Variants in EML4 observed in about 807,000 individuals in gnomAD.
EML4 encodes echinoderm microtubule-associated protein-like 4.
EML4 carries 72 observed loss-of-function variants against 129.0 expected under a neutral mutation model. The ratio of observed to expected loss-of-function variants is 0.56; its 90% CI spans 0.46 to 0.68. The LOEUF (loss-of-function observed/expected upper bound fraction) is 0.68, where lower values mean the gene tolerates loss of function less well. Ranked by LOEUF, EML4 falls within the 30% of genes least tolerant of loss-of-function variation. EML4 has a pLI of 0.00. For missense variants in EML4, 1,363 were observed against 1,190.6 expected, an observed-to-expected ratio of 1.14 and a Z score of -2.13; for synonymous variants, 532 against 405.0, an observed-to-expected ratio of 1.31 and a Z score of -3.77.
intron 1 of EML4, among the ~76,000 whole-genome samples, chr2:42,203,336 C>CT (rs750781932): frequency 2.0e-5 from 3 of 152,074 alleles, no homozygotes; most frequent in Non-Finnish European, 4.4e-5. Flanking sequence ...TGTGGTAGCC[C>CT]TTTTTTGTTT....
At chr2:42,286,060 A>G in intron 9 of EML4, 3 of 614,914 alleles carry the variant, frequency 4.9e-6, no homozygotes. Context: ...GTAACATAGT[A>G]AATACACAAG....
chr2:42,189,813 C>G (rs925281473), intron 1 of EML4, among the ~76,000 whole-genome samples: 3 of 152,066 alleles, frequency 2.0e-5, no homozygotes, highest in African/African-American at 4.8e-5. Flanking sequence ...CTGTTGTTCT[C>G]TTATGTTGAA....
At chr2:42,193,362 G>T (rs1347893872) in intron 1 of EML4, among the ~76,000 whole-genome samples, 2 of 152,200 alleles carry the variant, frequency 1.3e-5, no homozygotes, top group Non-Finnish European at 2.9e-5. Context: ...CGTGCATGCA[G>T]TTTATTCTGC....
chr2:42,223,032 C>G (rs920839172), intron 1 of EML4, among the ~76,000 whole-genome samples: 1 of 152,034 alleles, frequency 6.6e-6, no homozygotes, highest in Non-Finnish European at 1.5e-5. Context: ...ATCTCCTGAC[C>G]TCGTGATCCG....
At chr2:42,253,070 A>G (rs906641855) in intron 2 of EML4, among the ~76,000 whole-genome samples, 4 of 152,194 alleles carry the variant, frequency 2.6e-5, no homozygotes, top group African/African-American at 9.7e-5. Context: ...AGTTTAGGCA[A>G]GCAGAGGTGA....
At position 42,325,558 on chromosome 2, in the gene EML4, A is replaced by C. The variant is rs1361640656; in HGVS notation, c.2242+4A>C. The C allele has an allele frequency of 9.9e-7, 1 of 1,005,234 alleles. No homozygotes were observed. The highest frequency in any genetic ancestry group is 1.5e-5 in the South Asian group (1 of 64,622). 62.3% of individuals were successfully genotyped at this position (1,005,234 alleles called of 1,614,324 possible). A position where few individuals can be genotyped will look rare whatever the true frequency, so the allele number is the denominator to read the frequency against. On this transcript the variant is annotated splice_donor_region_variant and intron_variant, in intron 20 of 22. Coordinates refer to ENST00000318522, the MANE Select transcript of EML4 (RefSeq NM_019063.5). ...GGAGACTATGAAATATTGTACTGTAAGTATGAATGATTTTATATATATATA... is the reference window on the plus strand; with the variant it reads ...GGAGACTATGAAATATTGTACTGTACGTATGAATGATTTTATATATATATA...
At chr2:42,186,570 C>A (rs1186069754) in intron 1 of EML4, among the ~76,000 whole-genome samples, 1 of 152,130 alleles carries the variant, frequency 6.6e-6, no homozygotes, top group Non-Finnish European at 1.5e-5. Flanking sequence ...TTTGTTTTAA[C>A]CCTGGATAAG....
intron 18 of EML4, among the ~76,000 whole-genome samples, 194 bp from the exon 19 acceptor site, chr2:42,317,233 A>T (rs564232620): frequency 2.6e-5 from 4 of 152,228 alleles, no homozygotes; most frequent in African/African-American, 9.6e-5. Flanking sequence ...GCCTGTAAGC[A>T]TCTCCAAGAA....
At chr2:42,234,483 G>A (rs550156720) in intron 1 of EML4, among the ~76,000 whole-genome samples, 3 of 152,166 alleles carry the variant, frequency 2.0e-5, no homozygotes, top group East Asian at 3.9e-4. Context: ...CTCCATTCCT[G>A]TGAGTTCAGA....
chr2:42,286,093 T>A, intron 9 of EML4, 176 bp from the exon 10 acceptor site: 1 of 633,930 alleles, frequency 1.6e-6, no homozygotes, highest in Non-Finnish European at 2.9e-6. Context: ...ATTTTCTTAT[T>A]TTCACAGTAT....
intron 6 of EML4, among the ~76,000 whole-genome samples, chr2:42,265,140 G>A (rs548472755): frequency 6.6e-6 from 1 of 152,226 alleles, no homozygotes; most frequent in Admixed American, 6.5e-5. Context: ...GCCCAGGGTG[G>A]AATGCAGTGG....
chr2:42,316,102 G>A (rs541717782), intron 18 of EML4, 52 bp downstream of exon 18: 2 of 1,230,264 alleles, frequency 1.6e-6, no homozygotes, highest in Non-Finnish European at 2.4e-6. Flanking sequence ...GCACTTCACT[G>A]CAATTGCATA....
chr2:42,200,448 A>G (rs1460872581), intron 1 of EML4, among the ~76,000 whole-genome samples: 1 of 152,246 alleles, frequency 6.6e-6, no homozygotes, highest in Non-Finnish European at 1.5e-5. Flanking sequence ...TGAATTTGGC[A>G]TAAATGCTTT....
At chr2:42,293,981 T>C (rs1667805899) in intron 11 of EML4, among the ~76,000 whole-genome samples, 1 of 152,246 alleles carries the variant, frequency 6.6e-6, no homozygotes, top group African/African-American at 2.4e-5. Flanking sequence ...TAGACATTAA[T>C]GATCACCCTG....
At chr2:42,252,835 A>G (rs776429514) in intron 2 of EML4, among the ~76,000 whole-genome samples, 1 of 152,040 alleles carries the variant, frequency 6.6e-6, no homozygotes, top group South Asian at 2.1e-4. Context: ...CTGTGTCCCT[A>G]ATCCTTATAG....
chr2:42,192,974 T>G (rs931139897), intron 1 of EML4, among the ~76,000 whole-genome samples: 2 of 152,186 alleles, frequency 1.3e-5, no homozygotes, highest in Admixed American at 6.5e-5. Flanking sequence ...ATAGTGTATG[T>G]CAGGGAGGTG....
chr2:42,210,751 A>G (rs1387089377), intron 1 of EML4, among the ~76,000 whole-genome samples: 3 of 152,282 alleles, frequency 2.0e-5, no homozygotes, highest in African/African-American at 4.8e-5. Flanking sequence ...AGCTTTGGCC[A>G]TAGGTTGGCT....
At chr2:42,260,734 A>G (rs1203296655) in intron 3 of EML4, among the ~76,000 whole-genome samples, 1 of 152,252 alleles carries the variant, frequency 6.6e-6, no homozygotes, top group South Asian at 2.1e-4. Context: ...TAACCTATTA[A>G]ACATGAATAT....
chr2:42,180,776 A>G (rs548193962), intron 1 of EML4, among the ~76,000 whole-genome samples: 1 of 152,374 alleles, frequency 6.6e-6, no homozygotes, highest in South Asian at 2.1e-4. Context: ...TAGTTTCACT[A>G]ATTGTCTCAA....
Sources: gnomAD v4.1 joint callset for allele counts (sites outside exome capture counted in the v4.1 genomes callset) on GRCh38, gnomAD v4.1.1 for gene constraint, MANE v1.5 for transcripts, NCBI Gene and HGNC (gene_info 2026-07-23, HGNC 2026-07-21) for gene names.